NAV2: variants seen among roughly 807,000 people sequenced by gnomAD.
The protein encoded by NAV2 is helicase, APC down-regulated 1.
A neutral mutation model predicts 223.2 loss-of-function variants in NAV2; 54 were observed. The ratio of observed to expected loss-of-function variants is 0.24; its 90% CI spans 0.19 to 0.30. The LOEUF (loss-of-function observed/expected upper bound fraction) is 0.30. NAV2 is among the 10% of genes least tolerant of loss of function. The pLI, the probability that NAV2 is intolerant of heterozygous loss-of-function variation, is 1.00. For synonymous variants in NAV2, 1,279 were observed against 1,239.3 expected, an observed-to-expected ratio of 1.03 and a Z score of -0.67; for missense variants, 2,806 against 3,147.5, an observed-to-expected ratio of 0.89 and a Z score of 2.60.
At chr11:19,397,406 T>TGTGTGTGTGTGCGCGC (rs1554919843) in intron 1 of NAV2, among the ~76,000 whole-genome samples, 3 of 141,894 alleles carry the variant, frequency 2.1e-5, no homozygotes, top group South Asian at 4.5e-4. Flanking sequence ...AGTGTGTGTG[T>TGTGTGTGTGTGCGCGC]GTGTGTGTGT....
At chr11:19,403,946 C>T (rs979334988) in intron 1 of NAV2, among the ~76,000 whole-genome samples, 16 of 152,062 alleles carry the variant, frequency 1.1e-4, no homozygotes, top group African/African-American at 3.4e-4. Flanking sequence ...TTACGGGGAC[C>T]ATGGTCCATA....
intron 1 of NAV2, among the ~76,000 whole-genome samples, chr11:19,675,714 G>C (rs1371090755): frequency 2.0e-5 from 3 of 152,162 alleles, no homozygotes; most frequent in East Asian, 1.9e-4. Context: ...AACCTGCATG[G>C]CCAGTCCCGG....
At chr11:20,049,278 G>T in intron 15 of NAV2, 83 bp downstream of exon 15, 1 of 1,039,424 alleles carries the variant, frequency 9.6e-7, no homozygotes. Context: ...CCCAAATGTC[G>T]AATAGCCTTT....
intron 1 of NAV2, among the ~76,000 whole-genome samples, chr11:19,587,521 A>C (rs934323623): frequency 6.6e-6 from 1 of 152,200 alleles, no homozygotes; most frequent in Non-Finnish European, 1.5e-5. Flanking sequence ...CTTGGCTCCC[A>C]GCTCCACATT....
Position 20,083,093 on chromosome 11 carries a change from T to C in NAV2, c.5412T>C (p.Asp1804=). 6.2e-7 allele frequency: 1 copy of C among 1,614,130 alleles called. No homozygotes were observed. ...SSHSDIEEMT[D]SSLPSSPKLP... is the part of the protein sequence containing the mutation. Reference sequence around the variant, plus strand: ...ATTCAGATATTGAGGAGATGACGGATTCTTCTTTGCCTTCCTCACCAAAGT... The same window carrying C: ...ATTCAGATATTGAGGAGATGACGGACTCTTCTTTGCCTTCCTCACCAAAGT... The change falls in exon 26 of 38, where the codon GAT becomes GAC. Residue 1804 remains aspartate, a synonymous_variant. Transcript: ENST00000349880.
intron 1 of NAV2, among the ~76,000 whole-genome samples, chr11:19,582,940 G>A (rs1268129649): frequency 6.6e-6 from 1 of 152,172 alleles, no homozygotes; most frequent in Non-Finnish European, 1.5e-5. Flanking sequence ...TGATGGAGAT[G>A]GCATTGAATC....
At chr11:19,409,123 C>A (rs1335093163) in intron 1 of NAV2, among the ~76,000 whole-genome samples, 2 of 152,158 alleles carry the variant, frequency 1.3e-5, no homozygotes, top group African/African-American at 4.8e-5. Flanking sequence ...GGAACATCAG[C>A]TTCCCTTGGT....
At chr11:19,968,091 G>A (rs1239047198) in intron 10 of NAV2, among the ~76,000 whole-genome samples, 3 of 151,348 alleles carry the variant, frequency 2.0e-5, no homozygotes, top group African/African-American at 2.4e-5. Context: ...TATGAGGACC[G>A]CTGGAAACAC....
chr11:20,092,011 A>T (rs2060884993), intron 27 of NAV2, among the ~76,000 whole-genome samples, 195 bp from the exon 28 acceptor site: 1 of 152,170 alleles, frequency 6.6e-6, no homozygotes, highest in African/African-American at 2.4e-5. Context: ...CTCTGAATGG[A>T]TGGACCTCCC....
At chr11:19,824,520 G>C (rs889038030) in intron 1 of NAV2, among the ~76,000 whole-genome samples, 2 of 152,224 alleles carry the variant, frequency 1.3e-5, no homozygotes, top group Non-Finnish European at 2.9e-5. Context: ...TTGAGCAAAA[G>C]ACTTGCTTCT....
chr11:19,854,521 G>T (rs1439015991), intron 3 of NAV2, among the ~76,000 whole-genome samples: 1 of 152,180 alleles, frequency 6.6e-6, no homozygotes, highest in Admixed American at 6.5e-5. Context: ...CTGGGTAGGA[G>T]CTGCCCCCTT....
chr11:19,351,519 G>C (rs1421654613), intron 1 of NAV2, among the ~76,000 whole-genome samples: 2 of 152,124 alleles, frequency 1.3e-5, no homozygotes, highest in African/African-American at 4.8e-5. Flanking sequence ...ATTTAAAATG[G>C]CCTGTTGAGT....
chr11:20,009,499 G>A (rs1166963924), intron 11 of NAV2, among the ~76,000 whole-genome samples: 1 of 152,160 alleles, frequency 6.6e-6, no homozygotes, highest in Non-Finnish European at 1.5e-5. Flanking sequence ...TTAAAACGCT[G>A]ACTTTGTCAG....
At chr11:19,956,396 GCT>G (rs1295110922) in intron 10 of NAV2, among the ~76,000 whole-genome samples, 42 of 148,948 alleles carry the variant, frequency 2.8e-4, no homozygotes, top group East Asian at 2.8e-3. Flanking sequence ...ACACACACAC[GCT>G]CTCTCTCTCT....
chr11:19,785,262 A>G lies in NAV2; in HGVS notation c.268-47222A>G, dbSNP rs140135638. Among the ~76,000 whole-genome samples, 243 of 152,348 alleles carry G rather than the reference A, an allele frequency of 1.6e-3. 3 individuals carry two copies. The highest frequency in any genetic ancestry group is 5.6e-3 in the African/African-American group (231 of 41,578). ...AGGAAGGACCCAGAGAGCTGAAATG[A>G]CTGGCCCAGGGCCTCATGGCCTGCA... is the stretch of plus-strand genomic sequence containing the variant. On this transcript the variant is annotated intron_variant, in intron 1 of 37. Coordinates refer to ENST00000349880, the MANE Select transcript of NAV2 (RefSeq NM_145117.5).
intron 1 of NAV2, among the ~76,000 whole-genome samples, chr11:19,423,364 T>G (rs1029532030): frequency 1.3e-5 from 2 of 152,236 alleles, no homozygotes; most frequent in Non-Finnish European, 2.9e-5. Context: ...GGTCATGGAC[T>G]AAGAACCGTG....
intron 1 of NAV2, among the ~76,000 whole-genome samples, chr11:19,424,387 A>G (rs1290175244): frequency 6.6e-6 from 1 of 152,200 alleles, no homozygotes; most frequent in Non-Finnish European, 1.5e-5. Flanking sequence ...AAATGCTGTC[A>G]GAGATATTTC....
chr11:19,999,362 C>T (rs944980098), intron 11 of NAV2, among the ~76,000 whole-genome samples: 1 of 152,212 alleles, frequency 6.6e-6, no homozygotes, highest in Non-Finnish European at 1.5e-5. Context: ...TCTATTATTG[C>T]TTTGGGAAAA....
chr11:19,551,611 C>A (rs1027421312), intron 1 of NAV2, among the ~76,000 whole-genome samples: 1 of 152,206 alleles, frequency 6.6e-6, no homozygotes, highest in African/African-American at 2.4e-5. Flanking sequence ...AGGTTATACA[C>A]CGCGTGGTTC....
Sources: allele counts gnomAD v4.1 joint callset (sites outside exome capture counted in the v4.1 genomes callset), GRCh38; gene constraint gnomAD v4.1.1; transcripts MANE v1.5; gene names NCBI Gene and HGNC (gene_info 2026-07-23, HGNC 2026-07-21).